The following GIGYF2 variants were observed in gnomAD, a reference collection of about 807,000 sequenced individuals.
The protein encoded by GIGYF2 is GRB10-interacting GYF protein 2.
In GIGYF2, 25 loss-of-function variants were observed where a neutral mutation model predicts 208.1. That is an observed-to-expected ratio of 0.12 (90% CI 0.09 to 0.17). The LOEUF (loss-of-function observed/expected upper bound fraction) is 0.17. Ranked by LOEUF, GIGYF2 falls within the 10% of genes least tolerant of loss-of-function variation. GIGYF2 has a pLI of 1.00. For missense variants in GIGYF2, 1,302 were observed against 1,579.4 expected, an observed-to-expected ratio of 0.82 and a Z score of 2.98; for synonymous variants, 534 against 543.8, an observed-to-expected ratio of 0.98 and a Z score of 0.25.
chr2:232,819,683 C>T (rs1190987023), intron 20 of GIGYF2, 144 bp from the exon 21 acceptor site: 10 of 611,168 alleles, frequency 1.6e-5, no homozygotes, highest in Non-Finnish European at 2.7e-5. Context: ...ATACTTTTTA[C>T]TCCAGATCAT....
intron 2 of GIGYF2, among the ~76,000 whole-genome samples, chr2:232,728,277 G>A (rs1363393035): frequency 6.6e-6 from 1 of 152,204 alleles, no homozygotes; most frequent in African/African-American, 2.4e-5. Context: ...TCAGATTGAC[G>A]ATACATAGTA....
chr2:232,847,442 G>C lies in GIGYF2; in HGVS notation c.3555G>C (p.Lys1185Asn). ...ATTTAGGAGATACTTCTGAGGCCAA[G>C]GAGTTTGCCAAGCAGTTCCTTGAGC... Reference protein sequence around the residue: ...RAYLGDTSEAKEFAKQFLERR... With the variant: ...RAYLGDTSEANEFAKQFLERR... The change falls in exon 27 of 29, where the codon AAG becomes AAC. Residue 1185 changes from lysine (K) to asparagine (N), a missense_variant. Coordinates refer to ENST00000373563, the MANE Select transcript of GIGYF2 (RefSeq NM_001103146.3). 6.2e-7 allele frequency: 1 copy of C among 1,614,002 alleles called. No homozygotes were observed. The highest frequency in any genetic ancestry group is 2.2e-5 in the East Asian group (1 of 44,884).
chr2:232,819,320 A>G (rs1308847959), intron 20 of GIGYF2, among the ~76,000 whole-genome samples: 1 of 152,190 alleles, frequency 6.6e-6, no homozygotes, highest in Non-Finnish European at 1.5e-5. Flanking sequence ...CTTTCTGTGT[A>G]ATACTTAATA....
In GIGYF2 at chr2:232,784,386, CTTT is replaced by C. The variant is rs10645449; in HGVS notation, c.533-2745_533-2743del. 3.5e-3 allele frequency among the ~76,000 whole-genome samples: 327 copies of C among 92,290 alleles called. 1 individual carries two copies. Among genetic ancestry groups the C allele is most frequent in the African/African-American group, 0.013 (316 of 25,168 alleles). The allele number at this position is 92,290 out of a possible 152,430, so 60.5% of individuals were successfully genotyped here. A position where few individuals can be genotyped will look rare whatever the true frequency, so the allele number is the denominator to read the frequency against. ...TCTAGCTACTTACACGAAATAATTT[CTTT>C]TTTTTTTTTTTTTTTTTTGAGACGG... On this transcript the variant is annotated intron_variant, in intron 8 of 28. Transcript: ENST00000373563.
chr2:232,742,053 G>A (rs1225043353), intron 3 of GIGYF2, among the ~76,000 whole-genome samples: 1 of 152,028 alleles, frequency 6.6e-6, no homozygotes, highest in Non-Finnish European at 1.5e-5. Flanking sequence ...TACCCTGTTG[G>A]TGAAAAAGAT....
intron 15 of GIGYF2, among the ~76,000 whole-genome samples, chr2:232,808,639 A>G (rs1039172414): frequency 1.3e-5 from 2 of 152,192 alleles, no homozygotes; most frequent in Non-Finnish European, 2.9e-5. Context: ...TGTATCAAGT[A>G]TCTTATTTCA....
intron 6 of GIGYF2, among the ~76,000 whole-genome samples, chr2:232,757,683 C>T (rs1698600724): frequency 6.6e-6 from 1 of 151,632 alleles, no homozygotes; most frequent in African/African-American, 2.4e-5. Flanking sequence ...CTTTTCAGGG[C>T]AAGCCAGGGA....
intron 3 of GIGYF2, among the ~76,000 whole-genome samples, chr2:232,745,696 A>G (rs950692995): frequency 2.0e-5 from 3 of 152,188 alleles, no homozygotes; most frequent in African/African-American, 4.8e-5. Context: ...ATAAGGGAGG[A>G]ATGAAAGAAT....
At position 232,709,975 on chromosome 2, in the gene GIGYF2, T is replaced by C. The variant is rs757684953; in HGVS notation, c.-44+6486T>C. Among the ~76,000 whole-genome samples the C allele has an allele frequency of 2.4e-4, 36 of 151,612 alleles. 1 individual carries two copies. The highest frequency in any genetic ancestry group is 2.2e-4 in the Non-Finnish European group (15 of 67,982). ...AGTTATATATTTATTTATTTATTTA[T>C]TTGAGATGGAGTCTTGCTTTGTCGC... On this transcript the variant is annotated intron_variant, in intron 2 of 28. Coordinates refer to ENST00000373563, the MANE Select transcript of GIGYF2 (RefSeq NM_001103146.3).
intron 21 of GIGYF2, among the ~76,000 whole-genome samples, chr2:232,823,377 T>A (rs1264052826): frequency 6.6e-6 from 1 of 150,724 alleles, no homozygotes; most frequent in Non-Finnish European, 1.5e-5. Context: ...CTTTTTTTTT[T>A]TTTTTATTGA....
chr2:232,845,686 G>C (rs867353387), intron 25 of GIGYF2, 46 bp from the exon 26 acceptor site: 1 of 1,480,798 alleles, frequency 6.8e-7, no homozygotes, highest in East Asian at 2.3e-5. Flanking sequence ...TAATCATATA[G>C]TAACAGTTTC....
Position 232,847,610 on chromosome 2 carries a change from T to TA in GIGYF2, c.3684+41dup, listed in dbSNP as rs749668534. 6.2e-5 allele frequency: 99 copies of TA among 1,608,662 alleles called. 1 individual carries two copies. The East Asian group carries it at 2.2e-3, about 36-fold the overall frequency. On this transcript the variant is annotated intron_variant, in intron 27 of 28. Coordinates refer to ENST00000373563, the MANE Select transcript of GIGYF2 (RefSeq NM_001103146.3). Reference sequence around the variant, plus strand: ...TGGTGTATGCGGTACCTCTGAGGATTAATACCTTTAGATGTTGAGTAACCC... The same window carrying TA: ...TGGTGTATGCGGTACCTCTGAGGATTAAATACCTTTAGATGTTGAGTAACCC...
At position 232,845,862 on chromosome 2, in the gene GIGYF2, C is replaced by G. The variant is rs1445305113; in HGVS notation, c.3436C>G (p.Leu1146Val). Residue 1146 changes from leucine to valine, a missense_variant, in exon 26 of 29, where the codon CTT becomes GTT. By Grantham distance (32) the Leu-to-Val change is conservative. Coordinates refer to ENST00000373563, the MANE Select transcript of GIGYF2 (RefSeq NM_001103146.3). ...TQWCEQMLHA[L>V]NTANNLDVPT... ...GTGGTGTGAACAGATGCTTCATGCCCTTAATACGGCAAATAACTTGGATGG... is the reference window on the plus strand; with the variant it reads ...GTGGTGTGAACAGATGCTTCATGCCGTTAATACGGCAAATAACTTGGATGG... 6.2e-7 allele frequency: 1 copy of G among 1,608,692 alleles called. No homozygotes were observed. The highest frequency in any genetic ancestry group is 8.5e-7 in the Non-Finnish European group (1 of 1,175,134).
At chr2:232,831,443 C>T (rs1198710418) in intron 21 of GIGYF2, among the ~76,000 whole-genome samples, 1 of 152,134 alleles carries the variant, frequency 6.6e-6, no homozygotes, top group Non-Finnish European at 1.5e-5. Flanking sequence ...AGTTACTGTG[C>T]TTGTTTTCTG....
Position 232,806,402 on chromosome 2 carries a change from C to T in GIGYF2, c.1640-89C>T, listed in dbSNP as rs1348710353. ...TAAAACATTTTGACAGATGCCACCT[C>T]GATGAGAATCAGATGCAGGAAATAT... On this transcript the variant is annotated intron_variant, in intron 14 of 28. Coordinates refer to ENST00000373563, the MANE Select transcript of GIGYF2 (RefSeq NM_001103146.3). This position sits in a 1 kb window ranked among gnomAD's most constrained non-coding sequence, Gnocchi z 4.0. The T allele has an allele frequency of 6.5e-6, 6 of 917,806 alleles. No homozygotes were observed. Among genetic ancestry groups the T allele is most frequent in the South Asian group, 3.9e-5 (3 of 76,278 alleles). The allele number at this position is 917,806 out of a possible 1,614,324, so 56.9% of individuals were successfully genotyped here.
chr2:232,734,086 T>C (rs1697624343), intron 2 of GIGYF2, among the ~76,000 whole-genome samples: 1 of 150,472 alleles, frequency 6.6e-6, no homozygotes, highest in African/African-American at 2.4e-5. Context: ...AAAAAATTTA[T>C]ATTTTATTTA....
At chr2:232,793,099 A>G (rs1246981259) in intron 12 of GIGYF2, among the ~76,000 whole-genome samples, 1 of 152,176 alleles carries the variant, frequency 6.6e-6, no homozygotes, top group Non-Finnish European at 1.5e-5. Flanking sequence ...TTCCAGTACT[A>G]GGGAGCAGTG....
chr2:232,772,179 G>A (rs915615013), intron 8 of GIGYF2, among the ~76,000 whole-genome samples: 8 of 152,138 alleles, frequency 5.3e-5, no homozygotes, highest in East Asian at 1.9e-4. Context: ...CTTCCAAAGC[G>A]CTGGGATTAC....
At chr2:232,804,293 G>A (rs1700488726) in intron 14 of GIGYF2, among the ~76,000 whole-genome samples, 2 of 146,654 alleles carry the variant, frequency 1.4e-5, no homozygotes, top group Non-Finnish European at 3.0e-5. Context: ...ATGTCTATCT[G>A]TGTTGTTAGA....
Sources: allele counts gnomAD v4.1 joint callset (sites outside exome capture counted in the v4.1 genomes callset), GRCh38; gene constraint gnomAD v4.1.1; non-coding constraint Gnocchi (gnomAD v3.1); transcripts MANE v1.5; gene names NCBI Gene and HGNC (gene_info 2026-07-23, HGNC 2026-07-21).